SDK1: variants seen among roughly 807,000 people sequenced by gnomAD.
The protein encoded by SDK1 is sidekick cell adhesion molecule 1, also known as protein sidekick-1.
In SDK1, 157 loss-of-function variants were observed where a neutral mutation model predicts 245.5. The observed-to-expected ratio is 0.64, with a 90% confidence interval of 0.56 to 0.73. SDK1 has a LOEUF of 0.73. SDK1 is among the 30% of genes least tolerant of loss of function. SDK1 has a pLI of 0.00. For synonymous variants in SDK1, 1,647 were observed against 1,278.5 expected (o/e 1.29, Z -6.15); for missense variants, 3,583 against 3,002.3 (o/e 1.19, Z -4.52).
At chr7:3,972,424 C>A (rs548870152) in intron 12 of SDK1, among the ~76,000 whole-genome samples, 1 of 152,056 alleles carries the variant, frequency 6.6e-6, no homozygotes, top group African/African-American at 2.4e-5. Context: ...TGTTTAAATT[C>A]GGGCCAGGAA....
rs1231735483 is a variant in SDK1 at position 3,800,533 on chromosome 7, C to G, written c.714-20917C>G. On this transcript the variant is annotated intron_variant, in intron 4 of 44. Transcript: ENST00000404826. Reference sequence around the variant, plus strand: ...AGTAGCTTGGATTACAGGTGCCCACCACCACACCCGGCTAATTTTTTGTAT... The same window carrying G: ...AGTAGCTTGGATTACAGGTGCCCACGACCACACCCGGCTAATTTTTTGTAT... Among the ~76,000 whole-genome samples, 5 of 152,062 alleles carry G rather than the reference C, an allele frequency of 3.3e-5. No individual in the cohort carries two copies. In the South Asian group the frequency reaches 6.2e-4, roughly 19 times the overall value.
intron 1 of SDK1, among the ~76,000 whole-genome samples, chr7:3,364,628 T>C (rs1781041740): frequency 6.6e-6 from 1 of 152,212 alleles, no homozygotes; most frequent in Non-Finnish European, 1.5e-5. Flanking sequence ...CTCTATTTCA[T>C]TGATCTGTGT....
chr7:3,340,398 A>G (rs970951728), intron 1 of SDK1, among the ~76,000 whole-genome samples: 1 of 152,202 alleles, frequency 6.6e-6, no homozygotes, highest in African/African-American at 2.4e-5. Context: ...ATGCTGTTGG[A>G]AAAATGGTGC....
rs1322315455 is a variant in SDK1 at position 4,174,368 on chromosome 7, C to T, written c.4936+11C>T. Reference sequence around the variant, plus strand: ...ATGCTGAGCTCACAGGTGAGACTGTCCCCTCTGTCCTGGTACAGGGAGGGA... The same window carrying T: ...ATGCTGAGCTCACAGGTGAGACTGTTCCCTCTGTCCTGGTACAGGGAGGGA... On this transcript the variant is annotated intron_variant, in intron 33 of 44. Coordinates refer to ENST00000404826, the MANE Select transcript of SDK1 (RefSeq NM_152744.4). 3 of 1,613,220 alleles carry T rather than the reference C, an allele frequency of 1.9e-6. No individual in the cohort carries two copies. The highest frequency in any genetic ancestry group is 1.1e-5 in the South Asian group (1 of 91,060).
At chr7:3,473,709 C>A (rs940713597) in intron 1 of SDK1, among the ~76,000 whole-genome samples, 1 of 151,968 alleles carries the variant, frequency 6.6e-6, no homozygotes. Context: ...TTTCTAGTTA[C>A]CTTCCTTCTA....
Position 3,986,431 on chromosome 7 carries a change from C to T in SDK1, c.1995-755C>T, listed in dbSNP as rs112813034. Among the ~76,000 whole-genome samples the T allele has an allele frequency of 1.3e-3, 200 of 152,296 alleles. 1 individual carries two copies. Among genetic ancestry groups the T allele is most frequent in the Non-Finnish European group, 1.9e-3 (131 of 68,032 alleles). ...GTCTAAGAATACATGCAGGCATTTT[C>T]GCTCATAACTCTAAATGGCTAGTGT... On this transcript the variant is annotated intron_variant, in intron 13 of 44. Coordinates refer to ENST00000404826, the MANE Select transcript of SDK1 (RefSeq NM_152744.4).
At chr7:3,900,948 C>CAAA (rs34730199) in intron 5 of SDK1, among the ~76,000 whole-genome samples, 1 of 149,846 alleles carries the variant, frequency 6.7e-6, no homozygotes, top group Non-Finnish European at 1.5e-5. Context: ...CTAATTGTAG[C>CAAA]AAAAAAAAAG....
chr7:4,267,184 C>T lies in SDK1; in HGVS notation c.*1800C>T, dbSNP rs1197977435. ...GTTTCCTTTTTTCTCTCCTCCCTTC[C>T]TTCCCCTCCTTCCTTTCCTTTACCC... On this transcript the variant is annotated 3_prime_UTR_variant, in exon 45 of 45. Transcript: ENST00000404826. 3 of 966,918 alleles carry T rather than the reference C, an allele frequency of 3.1e-6. No individual in the cohort carries two copies. Among genetic ancestry groups the T allele is most frequent in the Non-Finnish European group, 3.7e-6 (3 of 813,632 alleles). The allele number at this position is 966,918 out of a possible 1,614,324, so 59.9% of individuals were successfully genotyped here. A position where few individuals can be genotyped will look rare whatever the true frequency, so the allele number is the denominator to read the frequency against.
At chr7:3,590,886 G>A (rs539329188) in intron 1 of SDK1, among the ~76,000 whole-genome samples, 7 of 150,732 alleles carry the variant, frequency 4.6e-5, no homozygotes, top group African/African-American at 1.5e-4. Context: ...AGGCTCAAGC[G>A]ATCCTCCTGC....
chr7:3,333,467 T>C (rs573895151), intron 1 of SDK1, among the ~76,000 whole-genome samples: 130 of 152,292 alleles, frequency 8.5e-4, no homozygotes, highest in African/African-American at 3.1e-3. Flanking sequence ...TCTGTCTTGA[T>C]CTCCTCCTGT....
chr7:3,755,758 C>T (rs1779905423), intron 4 of SDK1, among the ~76,000 whole-genome samples: 1 of 152,168 alleles, frequency 6.6e-6, no homozygotes, highest in Admixed American at 6.5e-5. Flanking sequence ...TAAATGGCTA[C>T]ATGCAGTATG....
intron 1 of SDK1, among the ~76,000 whole-genome samples, chr7:3,579,655 T>C (rs1024084298): frequency 6.6e-6 from 1 of 152,124 alleles, no homozygotes; most frequent in Non-Finnish European, 1.5e-5. Context: ...TTCAAGATAG[T>C]GTTGGAAGTC....
At chr7:3,971,645 G>C in intron 12 of SDK1, 77 bp downstream of exon 12, 2 of 1,070,174 alleles carry the variant, frequency 1.9e-6, no homozygotes, top group Middle Eastern at 2.0e-4. Context: ...AGATGAGGAG[G>C]AAGAATTGGG....
intron 1 of SDK1, among the ~76,000 whole-genome samples, chr7:3,439,451 G>A (rs547739623): frequency 2.0e-5 from 3 of 152,178 alleles, no homozygotes; most frequent in South Asian, 4.2e-4. Flanking sequence ...AGATTGTTTC[G>A]GGTTTGGTCA....
intron 32 of SDK1, among the ~76,000 whole-genome samples, chr7:4,170,361 C>T (rs1340913634): frequency 6.6e-5 from 10 of 152,170 alleles, no homozygotes; most frequent in East Asian, 5.8e-4. Flanking sequence ...GCAGGAGGAT[C>T]GCTTGAGCCC....
chr7:4,036,512 T>G (rs934754377), intron 17 of SDK1, among the ~76,000 whole-genome samples: 1 of 152,202 alleles, frequency 6.6e-6, no homozygotes, highest in Non-Finnish European at 1.5e-5. Flanking sequence ...ATCTCACAGT[T>G]TTTAACACCG....
chr7:4,203,694 C>A (rs1373926835), intron 35 of SDK1, among the ~76,000 whole-genome samples: 1 of 152,208 alleles, frequency 6.6e-6, no homozygotes, highest in East Asian at 1.9e-4. Context: ...AATGGCAGAG[C>A]CTTCCTGAAA....
At chr7:4,052,336 C>T (rs1332355770) in intron 19 of SDK1, among the ~76,000 whole-genome samples, 2 of 152,008 alleles carry the variant, frequency 1.3e-5, no homozygotes, top group African/African-American at 2.4e-5. Context: ...AAAACGTTAG[C>T]TAATGAAGTT....
chr7:3,940,736 A>C (rs1780332376), intron 5 of SDK1, among the ~76,000 whole-genome samples: 1 of 152,054 alleles, frequency 6.6e-6, no homozygotes, highest in Non-Finnish European at 1.5e-5. Context: ...CAGAAGAATC[A>C]CTTGAACCTG....
Sources: allele counts gnomAD v4.1 joint callset (sites outside exome capture counted in the v4.1 genomes callset), GRCh38; gene constraint gnomAD v4.1.1; transcripts MANE v1.5; gene names NCBI Gene and HGNC (gene_info 2026-07-23, HGNC 2026-07-21).